The following DGKB variants were observed in gnomAD, a reference collection of about 807,000 sequenced individuals.
DGKB encodes diacylglycerol kinase beta.
In DGKB, 67 loss-of-function variants were observed where a neutral mutation model predicts 114.3. That is an observed-to-expected ratio of 0.59 (90% CI 0.48 to 0.72). The LOEUF (loss-of-function observed/expected upper bound fraction) is 0.72, where lower values mean the gene tolerates loss of function less well. Ranked by LOEUF, DGKB falls within the 30% of genes least tolerant of loss-of-function variation. DGKB has a pLI of 0.00. For synonymous variants in DGKB, 398 were observed against 323.1 expected (o/e 1.23, Z -2.49); for missense variants, 907 against 975.2 (o/e 0.93, Z 0.93).
intron 2 of DGKB, among the ~76,000 whole-genome samples, chr7:14,808,013 C>T (rs1842973352): frequency 6.6e-6 from 1 of 151,942 alleles, no homozygotes; most frequent in Non-Finnish European, 1.5e-5. Context: ...GCTAAGATGT[C>T]ATTATAATGA....
chr7:14,421,670 GATATTTT>G (rs1826718241), intron 21 of DGKB, among the ~76,000 whole-genome samples: 1 of 152,022 alleles, frequency 6.6e-6, no homozygotes. Flanking sequence ...AATTTCCACA[GATATTTT>G]ATTGGGTAGA....
intron 21 of DGKB, among the ~76,000 whole-genome samples, chr7:14,431,525 G>A (rs972196799): frequency 6.6e-6 from 1 of 151,984 alleles, no homozygotes; most frequent in African/African-American, 2.4e-5. Context: ...ACGAACCAAA[G>A]AAACAATTTA....
intron 14 of DGKB, among the ~76,000 whole-genome samples, chr7:14,622,005 A>C (rs2128817410): frequency 6.6e-6 from 1 of 152,128 alleles, no homozygotes; most frequent in Non-Finnish European, 1.5e-5. Context: ...ATAGTAAAAA[A>C]ATTTCTTTTA....
chr7:14,701,122 A>C (rs969431670), intron 7 of DGKB, among the ~76,000 whole-genome samples: 6 of 152,140 alleles, frequency 3.9e-5, no homozygotes, highest in African/African-American at 1.4e-4. Context: ...ATTTTTTATG[A>C]CTATAACTAT....
chr7:14,522,558 GGCA>G (rs1477927242), intron 20 of DGKB, among the ~76,000 whole-genome samples: 7 of 152,128 alleles, frequency 4.6e-5, no homozygotes, highest in Non-Finnish European at 1.0e-4. Context: ...TTTCGGCAGT[GGCA>G]GCAAGCCCTG....
At chr7:14,221,324 G>A (rs1455181005) in intron 23 of DGKB, among the ~76,000 whole-genome samples, 1 of 151,080 alleles carries the variant, frequency 6.6e-6, no homozygotes, top group Non-Finnish European at 1.5e-5. Flanking sequence ...TTACATAGAA[G>A]CCCTTTATCA....
intron 1 of DGKB, among the ~76,000 whole-genome samples, chr7:14,939,621 CTTTTTT>C (rs60427374): frequency 3.4e-4 from 29 of 84,158 alleles, no homozygotes; most frequent in African/African-American, 1.2e-3. Context: ...AAATATAATA[CTTTTTT>C]TTTTTTTTTT....
intron 23 of DGKB, among the ~76,000 whole-genome samples, chr7:14,226,294 C>T (rs1397631069): frequency 6.6e-6 from 1 of 151,980 alleles, no homozygotes; most frequent in East Asian, 1.9e-4. Context: ...AAGCCAGATT[C>T]CTTCATTATT....
At chr7:14,940,366 A>C (rs1305736711) in intron 1 of DGKB, among the ~76,000 whole-genome samples, 1 of 151,858 alleles carries the variant, frequency 6.6e-6, no homozygotes, top group Non-Finnish European at 1.5e-5. Context: ...TAATTTCTAC[A>C]AGTTTTTATT....
At chr7:14,523,472 A>G (rs1462828295) in intron 20 of DGKB, among the ~76,000 whole-genome samples, 1 of 152,192 alleles carries the variant, frequency 6.6e-6, no homozygotes, top group East Asian at 1.9e-4. Flanking sequence ...TCCTTCTTAT[A>G]GTTCAGTCAA....
chr7:14,386,286 C>T (rs758059601), intron 21 of DGKB, among the ~76,000 whole-genome samples: 2 of 152,146 alleles, frequency 1.3e-5, no homozygotes, highest in Non-Finnish European at 2.9e-5. Context: ...ATGTATTTCA[C>T]TTTCAGATAT....
At chr7:14,242,580 T>C (rs980603515) in intron 23 of DGKB, among the ~76,000 whole-genome samples, 3 of 152,166 alleles carry the variant, frequency 2.0e-5, no homozygotes, top group African/African-American at 7.2e-5. Flanking sequence ...ATATCTTACA[T>C]TGTAGAAATG....
chr7:14,764,283 ATAAT>A (rs1237940392), intron 2 of DGKB, among the ~76,000 whole-genome samples: 1 of 152,126 alleles, frequency 6.6e-6, no homozygotes, highest in South Asian at 2.1e-4. Flanking sequence ...TGTTAAAGTT[ATAAT>A]TAATTTATAT....
chr7:14,876,701 G>A (rs1853343555), intron 1 of DGKB, among the ~76,000 whole-genome samples: 1 of 152,124 alleles, frequency 6.6e-6, no homozygotes, highest in Non-Finnish European at 1.5e-5. Context: ...TACAACTGAT[G>A]TTGAGACTCA....
At chr7:14,623,303 C>G (rs1420576434) in intron 14 of DGKB, among the ~76,000 whole-genome samples, 1 of 152,020 alleles carries the variant, frequency 6.6e-6, no homozygotes, top group Non-Finnish European at 1.5e-5. Context: ...TTTCCTAGTT[C>G]CTATATTTGC....
intron 23 of DGKB, among the ~76,000 whole-genome samples, chr7:14,214,233 C>T (rs533243137): frequency 2.0e-5 from 3 of 152,210 alleles, no homozygotes; most frequent in East Asian, 1.9e-4. Context: ...CCTACATGCT[C>T]GGGATAATCT....
chr7:14,905,655 T>A (rs1783667892), upstream of DGKB, among the ~76,000 whole-genome samples: 1 of 152,192 alleles, frequency 6.6e-6, no homozygotes, highest in Admixed American at 6.5e-5. Context: ...AAAACAAGTA[T>A]TCCCAAACTA....
chr7:14,487,173 T>G (rs1783941827), intron 20 of DGKB, among the ~76,000 whole-genome samples: 2 of 152,162 alleles, frequency 1.3e-5, no homozygotes, highest in Non-Finnish European at 2.9e-5. Flanking sequence ...GATTTTTAAC[T>G]TATTTCCTCT....
At chr7:14,952,589 CT>C (rs2128261120) in intron 1 of DGKB, among the ~76,000 whole-genome samples, 1 of 151,844 alleles carries the variant, frequency 6.6e-6, no homozygotes, top group Non-Finnish European at 1.5e-5. Flanking sequence ...AATCCCATCT[CT>C]TCTAAAAATA....
Sources: gnomAD v4.1 joint callset for allele counts (sites outside exome capture counted in the v4.1 genomes callset) on GRCh38, gnomAD v4.1.1 for gene constraint, MANE v1.5 for transcripts, NCBI Gene and HGNC (gene_info 2026-07-23, HGNC 2026-07-21) for gene names.